The following FSCN2 variants were observed in gnomAD, a reference collection of about 807,000 sequenced individuals.
FSCN2 encodes the protein fascin-2.
In FSCN2, 46 loss-of-function variants were observed where a neutral mutation model predicts 37.8. The ratio of observed to expected loss-of-function variants is 1.22; its 90% CI spans 0.96 to 1.56. The LOEUF is 1.56. FSCN2 is among the 40% of genes most tolerant of loss of function. The pLI, the probability that FSCN2 is intolerant of heterozygous loss-of-function variation, is 0.00. For missense variants in FSCN2, 844 were observed against 730.4 expected, an observed-to-expected ratio of 1.16 and a Z score of -1.79; for synonymous variants, 351 against 309.4, an observed-to-expected ratio of 1.13 and a Z score of -1.41.
At chr17:81,519,358 C>T in the FSCN2 span, among the ~76,000 whole-genome samples, 1 of 152,160 alleles carries the variant, frequency 6.6e-6, no homozygotes, top group Admixed American at 6.5e-5. Context: ...GGGCCCAGGA[C>T]CCGCACTCAG....
intron 1 of FSCN2, among the ~76,000 whole-genome samples, chr17:81,531,619 T>C (rs2032612719): frequency 1.4e-5 from 2 of 147,224 alleles, no homozygotes; most frequent in South Asian, 4.4e-4. Context: ...GTGATGATGG[T>C]GATGGTGGTG....
chr17:81,530,991 A>C (rs2032530409), intron 1 of FSCN2, among the ~76,000 whole-genome samples: 1 of 152,276 alleles, frequency 6.6e-6, no homozygotes, highest in Non-Finnish European at 1.5e-5. Context: ...ATGGAAGCCA[A>C]AGACACTAGA....
chr17:81,516,848 G>A, the FSCN2 span, among the ~76,000 whole-genome samples: 2 of 151,830 alleles, frequency 1.3e-5, no homozygotes, highest in Non-Finnish European at 2.9e-5. Flanking sequence ...CTCTGCATGT[G>A]TTGTCCAATT....
chr17:81,522,287 GCCAAACTATCATA>G, the FSCN2 span, among the ~76,000 whole-genome samples: 2 of 152,176 alleles, frequency 1.3e-5, no homozygotes, highest in African/African-American at 2.4e-5. Flanking sequence ...TTACAGCCCG[GCCAAACTATCATA>G]CTTTTAATTC....
intron 1 of FSCN2, among the ~76,000 whole-genome samples, chr17:81,531,714 ATGGTGGTGATGG>A (rs2032623319): frequency 4.3e-5 from 4 of 93,420 alleles, no homozygotes; most frequent in East Asian, 3.3e-4. Flanking sequence ...GATGATAGTG[ATGGTGGTGATGG>A]TGATGGTGAT....
At chr17:81,528,242 C>T (rs934690546), upstream of FSCN2, among the ~76,000 whole-genome samples, 3 of 152,210 alleles carry the variant, frequency 2.0e-5, no homozygotes, top group Admixed American at 1.3e-4. Context: ...CTGTGCAATC[C>T]GGGAGTGGCT....
Position 81,530,965 on chromosome 17 carries a change from T to C in FSCN2, c.826+1608T>C, listed in dbSNP as rs542880468. Among the ~76,000 whole-genome samples, 991 of 152,308 alleles carry C rather than the reference T, an allele frequency of 6.5e-3. 13 individuals are homozygous for C. The highest frequency in any genetic ancestry group is 0.024 in the Middle Eastern group (7 of 294). ...AAGGGGGTAAGTGGGACAGTGGCAG[T>C]GAGAATGCTTCCTCCATGGAAGCCA... is the stretch of plus-strand genomic sequence containing the variant. On this transcript the variant is annotated intron_variant, in intron 1 of 4. Coordinates refer to ENST00000417245, the MANE Select transcript of FSCN2 (RefSeq NM_012418.4).
chr17:81,517,288 C>A, the FSCN2 span, among the ~76,000 whole-genome samples: 1 of 152,154 alleles, frequency 6.6e-6, no homozygotes, highest in Non-Finnish European at 1.5e-5. Flanking sequence ...GGGAGTCGGA[C>A]ACCTGGGTTC....
upstream of FSCN2, among the ~76,000 whole-genome samples, chr17:81,525,076 C>T (rs907030910): frequency 2.6e-5 from 4 of 152,070 alleles, no homozygotes; most frequent in Admixed American, 1.3e-4. Context: ...GCCAAGATAG[C>T]GCCACTGCAG....
At chr17:81,522,973 C>A in the FSCN2 span, among the ~76,000 whole-genome samples, 1 of 152,230 alleles carries the variant, frequency 6.6e-6, no homozygotes, top group Non-Finnish European at 1.5e-5. Flanking sequence ...GACACCTTCG[C>A]TTCTGCCCTC....
chr17:81,520,256 T>TCCCGCGAGAA, the FSCN2 span, among the ~76,000 whole-genome samples: 5 of 149,608 alleles, frequency 3.3e-5, no homozygotes, highest in Non-Finnish European at 7.4e-5. Context: ...AGGGGAGGGG[T>TCCCGCGAGAA]GGGGGGAGAA....
the FSCN2 span, among the ~76,000 whole-genome samples, chr17:81,522,743 A>G: frequency 3.3e-5 from 5 of 152,176 alleles, no homozygotes; most frequent in Non-Finnish European, 7.3e-5. Flanking sequence ...CCAGGTGTCC[A>G]TGTCTGTGGT....
the FSCN2 span, among the ~76,000 whole-genome samples, chr17:81,517,397 A>C: frequency 6.6e-6 from 1 of 152,194 alleles, no homozygotes; most frequent in Non-Finnish European, 1.5e-5. Context: ...TGTGTGGCCC[A>C]TCAGGGGCTC....
At position 81,529,265 on chromosome 17, in the gene FSCN2, G is replaced by A. The variant is rs782272650; in HGVS notation, c.734G>A (p.Arg245Gln). 2.2e-5 allele frequency: 35 copies of A among 1,594,700 alleles called. No individual in the cohort carries two copies. Among genetic ancestry groups the A allele is most frequent in the South Asian group, 4.5e-5 (4 of 89,132 alleles). ...ACCCTCAAGGCCGGCCGAAACACGC[G>A]ACCTGGCAAGGATGAGCTCTTTGAT... Reference protein sequence around the residue: ...AGTLKAGRNTRPGKDELFDLE... With the variant: ...AGTLKAGRNTQPGKDELFDLE... Residue 245 changes from arginine (R) to glutamine (Q), a missense_variant, in exon 1 of 5, where the codon CGA (arginine) becomes CAA (glutamine). Coordinates refer to ENST00000417245, the MANE Select transcript of FSCN2 (RefSeq NM_012418.4).
At chr17:81,527,988 G>T (rs1394496692), upstream of FSCN2, among the ~76,000 whole-genome samples, 1 of 152,180 alleles carries the variant, frequency 6.6e-6, no homozygotes, top group Non-Finnish European at 1.5e-5. Flanking sequence ...GGCGGCCACC[G>T]AGGGTACGGG....
At position 81,528,982 on chromosome 17, in the gene FSCN2, T is replaced by G; in HGVS notation, c.451T>G (p.Tyr151Asp). The G allele has an allele frequency of 1.3e-6, 2 of 1,585,492 alleles. No homozygotes were observed. Among genetic ancestry groups the G allele is most frequent in the Non-Finnish European group, 1.7e-6 (2 of 1,170,760 alleles). ...CCTGCTGAGCGTGAGCCGGCGGCGC[T>G]ACGTGCACCTGTGCCCGCGGGAGGA... is the stretch of plus-strand genomic sequence containing the variant. The part of the protein sequence containing the change: ...AHLLSVSRRR[Y>D]VHLCPREDEM... The change falls in exon 1 of 5, where the codon TAC becomes GAC. Residue 151 changes from tyrosine (Y) to aspartate (D), a missense_variant. Transcript: ENST00000417245.
At chr17:81,515,954 C>T in the FSCN2 span, among the ~76,000 whole-genome samples, 3 of 152,284 alleles carry the variant, frequency 2.0e-5, no homozygotes, top group Non-Finnish European at 4.4e-5. Flanking sequence ...AAGCGATTCT[C>T]GGGCCTTAGC....
chr17:81,535,204 C>T lies in FSCN2; in HGVS notation c.979C>T (p.Gln327Ter), dbSNP rs1369471917. ...TGGGGGCATTCACGCCACAGCCACA[C>T]AAGTGTGAGTGCACACATCCCTTCC... ...THGGIHATAT[Q>*]VSANTMFEME... Residue 327 changes from glutamine (Q) to a stop codon, truncating the protein, a stop_gained, in exon 2 of 5, where the codon CAA (glutamine) becomes TAA (stop). Transcript: ENST00000417245. LOFTEE classifies it high-confidence loss of function. The T allele has an allele frequency of 1.3e-6, 2 of 1,530,088 alleles. No individual in the cohort carries two copies. Among genetic ancestry groups the T allele is most frequent in the African/African-American group, 1.4e-5 (1 of 72,842 alleles). The allele number at this position is 1,530,088 out of a possible 1,614,324, so 94.8% of individuals were successfully genotyped here. A position where few individuals can be genotyped will look rare whatever the true frequency, so the allele number is the denominator to read the frequency against.
chr17:81,515,522 T>A, the FSCN2 span, among the ~76,000 whole-genome samples: 2 of 152,224 alleles, frequency 1.3e-5, no homozygotes, highest in Non-Finnish European at 2.9e-5. Context: ...CCTTGTTATG[T>A]CTTATTTTAG....
Sources: gnomAD v4.1 joint callset for allele counts (sites outside exome capture counted in the v4.1 genomes callset) on GRCh38, gnomAD v4.1.1 for gene constraint, MANE v1.5 for transcripts, NCBI Gene and HGNC (gene_info 2026-07-23, HGNC 2026-07-21) for gene names.